IKBKE: variants seen among roughly 807,000 people sequenced by gnomAD.
IKBKE encodes inhibitor of nuclear factor kappa B kinase subunit epsilon.
In IKBKE, 45 loss-of-function variants were observed where a neutral mutation model predicts 92.1. That is an observed-to-expected ratio of 0.49 (90% CI 0.38 to 0.63). The LOEUF is 0.63. Ranked by LOEUF, IKBKE falls within the 20% of genes least tolerant of loss-of-function variation. IKBKE has a pLI of 0.00. For synonymous variants in IKBKE, 374 were observed against 380.3 expected (o/e 0.98, Z 0.19); for missense variants, 700 against 932.8 (o/e 0.75, Z 3.25).
At position 206,490,440 on chromosome 1, in the gene IKBKE, A is replaced by G. The variant is rs564800794; in HGVS notation, c.1694-379A>G. On this transcript the variant is annotated intron_variant, in intron 16 of 21. Coordinates refer to ENST00000581977, the MANE Select transcript of IKBKE (RefSeq NM_014002.4). This position sits in a 1 kb window ranked among gnomAD's most constrained non-coding sequence, Gnocchi z 5.2. Reference sequence around the variant, plus strand: ...TGAACATTCAGGGATGGGACCACCCAGCTGCAGGCATCAGTCACTCTGGGA... The same window carrying G: ...TGAACATTCAGGGATGGGACCACCCGGCTGCAGGCATCAGTCACTCTGGGA... 6.6e-6 allele frequency among the ~76,000 whole-genome samples: 1 copy of G among 152,308 alleles called. No homozygotes were observed. The highest frequency in any genetic ancestry group is 1.9e-4 in the East Asian group (1 of 5,172).
rs368827445 is a variant in IKBKE, at chr1:206,489,369, G to GTATA, written c.1693+1408_1693+1411dup. On this transcript the variant is annotated intron_variant, in intron 16 of 21. Transcript: ENST00000581977. ...TATGTGTGTGTGTGTGTGTGTGTGT[G>GTATA]TATATATATATATATATATATATAT... Among the ~76,000 whole-genome samples the GTATA allele has an allele frequency of 1.2e-3, 145 of 119,194 alleles. 2 individuals are homozygous for GTATA. The highest frequency in any genetic ancestry group is 4.7e-3 in the African/African-American group (135 of 28,874). 78.2% of individuals were successfully genotyped at this position (119,194 alleles called of 152,430 possible).
In IKBKE at chr1:206,496,132, C is replaced by T. The variant is rs3748022; in HGVS notation, c.2138C>T (p.Pro713Leu). The change falls in exon 22 of 22, where the codon CCT becomes CTT. Residue 713 changes from proline (P) to leucine (L), a missense_variant. Transcript: ENST00000581977. ...TGTAGGCTAAATAGAGTCCCAGCAC[C>T]TCCTGATGTCTGAGCTCCATGGGGC... ...IIERLNRVPA[P>L]PDV is the part of the protein sequence containing the mutation. 0.21 allele frequency: 330,777 copies of T among 1,610,104 alleles called. 36,569 individuals are homozygous for T. The highest frequency in any genetic ancestry group is 0.26 in the Admixed American group (15,877 of 59,944).
chr1:206,479,748 T>C (rs1665270180), intron 10 of IKBKE, 122 bp from the exon 11 acceptor site: 3 of 1,041,082 alleles, frequency 2.9e-6, no homozygotes, highest in East Asian at 2.6e-5. Context: ...AGGCTCAGGG[T>C]GAGTTGTGAA....
rs782677455 is a variant in IKBKE, at chr1:206,479,098, G to A, written c.1148G>A (p.Ser383Asn). 3.1e-6 allele frequency: 5 copies of A among 1,611,950 alleles called. No individual in the cohort carries two copies. In the East Asian group the frequency reaches 6.7e-5, roughly 22 times the overall value. ...GCAAGCAGCCCCCTGACCCTCTTCA[G>A]CACAGCCATCCCTAAGGGGCTGGCC... is the stretch of plus-strand genomic sequence containing the variant. ...TTASSPLTLF[S>N]TAIPKGLAFR... is the part of the protein sequence containing the mutation. Residue 383 changes from serine (S) to asparagine (N), a missense_variant, in exon 10 of 22, where the codon AGC (serine) becomes AAC (asparagine). By Grantham distance (46) the Ser-to-Asn change is conservative. Transcript: ENST00000581977.
rs782147074 is a variant in IKBKE at position 206,487,887 on chromosome 1, C to T, written c.1617-27C>T. 1 of 1,595,212 alleles carries T rather than the reference C, an allele frequency of 6.3e-7. No individual in the cohort carries two copies. The highest frequency in any genetic ancestry group is 2.2e-5 in the East Asian group (1 of 44,768). On this transcript the variant is annotated intron_variant, in intron 15 of 21. Coordinates refer to ENST00000581977, the MANE Select transcript of IKBKE (RefSeq NM_014002.4). The surrounding 1 kb of genome is among the most constrained non-coding windows in gnomAD (Gnocchi z 5.3). ...CCTCTGTGCTATTAGATTCTTCCAACACCTGGTCCCTGTCTCCTGCCCACA... is the reference window on the plus strand; with the variant it reads ...CCTCTGTGCTATTAGATTCTTCCAATACCTGGTCCCTGTCTCCTGCCCACA...
intron 13 of IKBKE, 27 bp downstream of exon 13, chr1:206,480,560 G>A (rs1665327777): frequency 1.3e-6 from 2 of 1,550,852 alleles, no homozygotes; most frequent in Non-Finnish European, 1.8e-6. Flanking sequence ...GGCCAGCTGG[G>A]ACCTCTCAGC....
chr1:206,483,635 T>C (rs190701793), intron 13 of IKBKE, among the ~76,000 whole-genome samples: 6 of 152,334 alleles, frequency 3.9e-5, no homozygotes, highest in Admixed American at 3.3e-4. Context: ...CTAAAATGTA[T>C]ATACTAATGG....
intron 13 of IKBKE, among the ~76,000 whole-genome samples, chr1:206,481,767 T>C (rs1553387101): frequency 5.9e-5 from 2 of 33,974 alleles, no homozygotes; most frequent in Non-Finnish European, 1.0e-4. Flanking sequence ...AGGATGAGGC[T>C]TTTTTTTTTT....
In IKBKE at chr1:206,485,191, C is replaced by G. The variant is rs2103472175; in HGVS notation, c.1504-3C>G. 6.2e-7 allele frequency: 1 copy of G among 1,609,786 alleles called. No individual in the cohort carries two copies. The highest frequency in any genetic ancestry group is 8.5e-7 in the Non-Finnish European group (1 of 1,176,040). On this transcript the variant is annotated splice_region_variant and splice_polypyrimidine_tract_variant and intron_variant, in intron 14 of 21. Coordinates refer to ENST00000581977, the MANE Select transcript of IKBKE (RefSeq NM_014002.4). The surrounding 1 kb of genome is among the most constrained non-coding windows in gnomAD (Gnocchi z 5.0). Reference sequence around the variant, plus strand: ...CACGGGGGTCTGCCTTTGTGCCCCACAGCTAGCGGAGGTCCTCTCCAGATG... The same window carrying G: ...CACGGGGGTCTGCCTTTGTGCCCCAGAGCTAGCGGAGGTCCTCTCCAGATG...
chr1:206,474,616 G>T, intron 4 of IKBKE, 145 bp downstream of exon 4: 1 of 913,696 alleles, frequency 1.1e-6, no homozygotes. Flanking sequence ...GAGCAAAGGG[G>T]GCAAGGGGGT....
At chr1:206,492,554 G>A (rs782431472) in intron 18 of IKBKE, 47 of 471,562 alleles carry the variant, frequency 1.0e-4, no homozygotes, top group African/African-American at 8.8e-4. Flanking sequence ...AATGTGTGGC[G>A]AGGGCTGACC....
At chr1:206,489,606 G>A (rs1665847235) in intron 16 of IKBKE, among the ~76,000 whole-genome samples, 1 of 152,054 alleles carries the variant, frequency 6.6e-6, no homozygotes, top group Admixed American at 6.6e-5. Context: ...GGAGGCTGAG[G>A]TGGGAGGATC....
In IKBKE at chr1:206,479,946, C is replaced by G; in HGVS notation, c.1248+12C>G. 1.2e-6 allele frequency: 2 copies of G among 1,613,636 alleles called. No homozygotes were observed. Among genetic ancestry groups the G allele is most frequent in the Non-Finnish European group, 1.7e-6 (2 of 1,179,832 alleles). On this transcript the variant is annotated intron_variant, in intron 11 of 21. Coordinates refer to ENST00000581977, the MANE Select transcript of IKBKE (RefSeq NM_014002.4). ...ACAACACTGCCAAGGTGAGGGGCAA[C>G]CCCCAGGTGGCAGGGAGGGGCATGA...
intron 21 of IKBKE, among the ~76,000 whole-genome samples, chr1:206,495,201 A>T (rs191333964): frequency 6.6e-6 from 1 of 152,258 alleles, no homozygotes; most frequent in East Asian, 1.9e-4. Flanking sequence ...AACCAATGGC[A>T]GGGTAGAGTC....
Position 206,487,930 on chromosome 1 carries a change from T to C in IKBKE, c.1633T>C (p.Cys545Arg). 1 of 1,613,750 alleles carries C rather than the reference T, an allele frequency of 6.2e-7. No homozygotes were observed. Among genetic ancestry groups the C allele is most frequent in the Admixed American group, 1.7e-5 (1 of 60,004 alleles). Residue 545 changes from cysteine (C) to arginine (R), a missense_variant, in exon 16 of 22, where the codon TGC (cysteine) becomes CGC (arginine). Physicochemically the swap from Cys to Arg is radical, Grantham distance 180. Transcript: ENST00000581977. The surrounding 1 kb of genome is among the most constrained non-coding windows in gnomAD (Gnocchi z 5.3). The part of the protein sequence containing the change: ...HEDRSIQQIQ[C>R]CLDKMNFIYK... ...TGCCCACAGCATCCAGCAGATTCAGTGCTGTTTGGACAAGATGAACTTCAT... is the reference window on the plus strand; with the variant it reads ...TGCCCACAGCATCCAGCAGATTCAGCGCTGTTTGGACAAGATGAACTTCAT...
Position 206,476,824 on chromosome 1 carries a change from G to C in IKBKE, c.687G>C (p.Arg229=), listed in dbSNP as rs1295263165. The change falls in exon 7 of 22, where the codon CGG becomes CGC. Residue 229 remains arginine, a synonymous_variant. Transcript: ENST00000581977. The surrounding 1 kb of genome is among the most constrained non-coding windows in gnomAD (Gnocchi z 5.1). ...TCATCCCCTTTGGTGGGCCACGGCG[G>C]AACAAGGAGATCATGTACGGTGGGC... The part of the protein sequence containing the change: ...LPFIPFGGPR[R]NKEIMYRITT... The C allele has an allele frequency of 6.2e-7, 1 of 1,614,206 alleles. No homozygotes were observed. Among genetic ancestry groups the C allele is most frequent in the Admixed American group, 1.7e-5 (1 of 60,030 alleles).
chr1:206,480,315 A>G lies in IKBKE; in HGVS notation c.1341-132A>G, dbSNP rs1216263901. On this transcript the variant is annotated intron_variant, in intron 12 of 21. Transcript: ENST00000581977. ...GGGGAGGCGGGCTGTAGGTGGAGGC[A>G]GGCCGGAGGGGGAGGCAGGCCAGAG... is the stretch of plus-strand genomic sequence containing the variant. 2.5e-5 allele frequency: 8 copies of G among 317,914 alleles called. No individual in the cohort carries two copies. The East Asian group carries it at 4.7e-4, about 18-fold the overall frequency. The allele number at this position is 317,914 out of a possible 1,614,324, so 19.7% of individuals were successfully genotyped here. A position where few individuals can be genotyped will look rare whatever the true frequency, so the allele number is the denominator to read the frequency against.
rs1665950917 is a variant in IKBKE, at chr1:206,491,489, C to T, written c.1734-159C>T. 8 of 549,776 alleles carry T rather than the reference C, an allele frequency of 1.5e-5. No homozygotes were observed. In the East Asian group the frequency reaches 2.7e-4, roughly 19 times the overall value. The allele number at this position is 549,776 out of a possible 1,614,324, so 34.1% of individuals were successfully genotyped here. ...AACCTTCACAATCCAAGTGTGTGACCGTCCTTCCTCCTTTCCCAGAGACAT... is the reference window on the plus strand; with the variant it reads ...AACCTTCACAATCCAAGTGTGTGACTGTCCTTCCTCCTTTCCCAGAGACAT... On this transcript the variant is annotated intron_variant, in intron 17 of 21. Coordinates refer to ENST00000581977, the MANE Select transcript of IKBKE (RefSeq NM_014002.4).
intron 13 of IKBKE, among the ~76,000 whole-genome samples, chr1:206,483,711 A>C (rs371419734): frequency 2.0e-5 from 3 of 152,236 alleles, no homozygotes; most frequent in African/African-American, 7.2e-5. Context: ...TACTATCTAG[A>C]GACAGGTTAT....
Sources: allele counts gnomAD v4.1 joint callset (sites outside exome capture counted in the v4.1 genomes callset), GRCh38; gene constraint gnomAD v4.1.1; non-coding constraint Gnocchi (gnomAD v3.1); transcripts MANE v1.5; gene names NCBI Gene and HGNC (gene_info 2026-07-23, HGNC 2026-07-21).